The following C3orf62 variants were observed in gnomAD, a reference collection of about 807,000 sequenced individuals.
C3orf62 encodes the protein chromosome 3 open reading frame 62.
A neutral mutation model predicts 21.7 loss-of-function variants in C3orf62; 16 were observed. That is an observed-to-expected ratio of 0.74 (90% CI 0.50 to 1.12). The LOEUF is 1.12. Among genes scored for constraint, C3orf62 ranks in the 50% most tolerant of loss-of-function variants. The pLI is 0.00. For missense variants in C3orf62, 310 were observed against 318.8 expected (o/e 0.97, Z 0.21); for synonymous variants, 114 against 117.0 (o/e 0.97, Z 0.17).
At chr3:49,276,291 C>T (rs1163630679) in intron 1 of C3orf62, 136 bp downstream of exon 1, 1 of 771,822 alleles carries the variant, frequency 1.3e-6, no homozygotes, top group Admixed American at 2.8e-5. Context: ...TGTCTGTCAA[C>T]TCCCCAAATG....
At chr3:49,275,118 A>ATT (rs34827861) in intron 1 of C3orf62, among the ~76,000 whole-genome samples, 1 of 141,910 alleles carries the variant, frequency 7.0e-6, no homozygotes, top group East Asian at 2.1e-4. Context: ...TGTGCCCAGC[A>ATT]TTTTTTTTTT....
At position 49,270,054 on chromosome 3, in the gene C3orf62, G is replaced by A. The variant is rs1447160366; in HGVS notation, c.*1126C>T. 2 of 152,268 alleles carry A rather than the reference G, an allele frequency of 1.3e-5. No homozygotes were observed. The highest frequency in any genetic ancestry group is 4.1e-4 in the South Asian group (2 of 4,826). The allele number at this position is 152,268 out of a possible 1,614,324, so 9.4% of individuals were successfully genotyped here. ...CCAAAGGTAGTGAGTTATCTCAATC[G>A]ACTACTCACAGTTTCAGATCTAACT... On this transcript the variant is annotated 3_prime_UTR_variant, in exon 3 of 3. Transcript: ENST00000343010.
Position 49,270,832 on chromosome 3 carries a change from CT to C in C3orf62, c.*347del. 4.9e-6 allele frequency: 1 copy of C among 202,736 alleles called. No individual in the cohort carries two copies. Among genetic ancestry groups the C allele is most frequent in the Non-Finnish European group, 1.0e-5 (1 of 100,484 alleles). 12.6% of individuals were successfully genotyped at this position (202,736 alleles called of 1,614,324 possible). On this transcript the variant is annotated 3_prime_UTR_variant, in exon 3 of 3. Coordinates refer to ENST00000343010, the MANE Select transcript of C3orf62 (RefSeq NM_198562.3). ...GCCACTGTGCCTGGCCACTCCTGTA[CT>C]TTTTTAGGGGCCCGTGGAAAAGAAC... is the stretch of plus-strand genomic sequence containing the variant.
intron 2 of C3orf62, among the ~76,000 whole-genome samples, chr3:49,273,428 C>G (rs2046928175): frequency 6.6e-6 from 1 of 151,966 alleles, no homozygotes; most frequent in South Asian, 2.1e-4. Context: ...TGTCTCTCCC[C>G]CCAAAAAGTG....
At chr3:49,272,456 C>T (rs1164167267) in intron 2 of C3orf62, among the ~76,000 whole-genome samples, 2 of 147,180 alleles carry the variant, frequency 1.4e-5, no homozygotes, top group Non-Finnish European at 3.0e-5. Context: ...GTATGCTATA[C>T]TATATCTATA....
intron 2 of C3orf62, among the ~76,000 whole-genome samples, chr3:49,271,936 A>C (rs533321205): frequency 3.4e-4 from 51 of 150,878 alleles, no homozygotes; most frequent in Middle Eastern, 7.0e-3. Context: ...AAAAAAAAAA[A>C]ACAAAAAAAC....
chr3:49,274,008 T>C (rs748016775), intron 2 of C3orf62, 41 bp downstream of exon 2: 15 of 1,420,208 alleles, frequency 1.1e-5, no homozygotes, highest in Non-Finnish European at 1.4e-5. Context: ...GTGAAGGACC[T>C]ATCTTCCCAA....
At chr3:49,274,211 A>G (rs1441871362) in intron 1 of C3orf62, 71 bp from the exon 2 acceptor site, 1 of 1,211,510 alleles carries the variant, frequency 8.3e-7, no homozygotes, top group Admixed American at 1.8e-5. Flanking sequence ...ATTGAAGGGA[A>G]ACTCAGTTTT....
rs1247334124 is a variant in C3orf62, at chr3:49,269,872, G to C, written c.*1308C>G. On this transcript the variant is annotated 3_prime_UTR_variant, in exon 3 of 3. Coordinates refer to ENST00000343010, the MANE Select transcript of C3orf62 (RefSeq NM_198562.3). ...TGAGCCCAGAGGAATCACTAGACCTGTGGTAAGGGATGTTGCTGGCTATGC... is the reference window on the plus strand; with the variant it reads ...TGAGCCCAGAGGAATCACTAGACCTCTGGTAAGGGATGTTGCTGGCTATGC... 2 of 152,270 alleles carry C rather than the reference G, an allele frequency of 1.3e-5. No homozygotes were observed. The highest frequency in any genetic ancestry group is 4.8e-5 in the African/African-American group (2 of 41,474). 9.4% of individuals were successfully genotyped at this position (152,270 alleles called of 1,614,324 possible).
intron 2 of C3orf62, among the ~76,000 whole-genome samples, chr3:49,273,432 A>G (rs1003017178): frequency 8.6e-5 from 13 of 151,910 alleles, no homozygotes; most frequent in Non-Finnish European, 1.6e-4. Flanking sequence ...TCTCCCCCCA[A>G]AAAGTGGTGG....
chr3:49,276,939 A>T lies in C3orf62; in HGVS notation c.-67T>A. 6.5e-7 allele frequency: 1 copy of T among 1,545,868 alleles called. No individual in the cohort carries two copies. Among genetic ancestry groups the T allele is most frequent in the Non-Finnish European group, 8.7e-7 (1 of 1,148,006 alleles). Reference sequence around the variant, plus strand: ...TGCAAACTACCCCTGAATGGCCACGATTTCCTGGAGCTTGGCCCTGGCTAT... The same window carrying T: ...TGCAAACTACCCCTGAATGGCCACGTTTTCCTGGAGCTTGGCCCTGGCTAT... On this transcript the variant is annotated 5_prime_UTR_variant, in exon 1 of 3. Coordinates refer to ENST00000343010, the MANE Select transcript of C3orf62 (RefSeq NM_198562.3).
At chr3:49,274,267 G>C in intron 1 of C3orf62, 127 bp from the exon 2 acceptor site, 1 of 685,264 alleles carries the variant, frequency 1.5e-6, no homozygotes, top group Non-Finnish European at 2.5e-6. Context: ...TGTCATTTAT[G>C]CTTTGATTAA....
rs919800739 is a variant in C3orf62, at chr3:49,277,085, GCCCGCCCCGCCGCTGCCT to G, written c.-231_-214del. On this transcript the variant is annotated 5_prime_UTR_variant, in exon 1 of 3. Coordinates refer to ENST00000343010, the MANE Select transcript of C3orf62 (RefSeq NM_198562.3). ...CCGCCCCACTTCCCACAGCTTCCTG[GCCCGCCCCGCCGCTGCCT>G]CCCGCCCCACCGCGGCTCCCAGGCC... 2.6e-5 allele frequency: 38 copies of G among 1,487,126 alleles called. No homozygotes were observed. Among genetic ancestry groups the G allele is most frequent in the Middle Eastern group, 4.0e-4 (2 of 5,054 alleles). 92.1% of individuals were successfully genotyped at this position (1,487,126 alleles called of 1,614,324 possible).
At chr3:49,271,892 C>T (rs1277575172) in intron 2 of C3orf62, among the ~76,000 whole-genome samples, 2 of 120,746 alleles carry the variant, frequency 1.7e-5, no homozygotes, top group African/African-American at 6.5e-5. Flanking sequence ...GCCTGGGCAA[C>T]AGAGTGAGGC....
intron 1 of C3orf62, among the ~76,000 whole-genome samples, chr3:49,274,889 G>A (rs892378438): frequency 3.3e-5 from 5 of 151,660 alleles, no homozygotes; most frequent in East Asian, 3.9e-4. Context: ...GCGCAATTTC[G>A]GCTCATCGCA....
intron 1 of C3orf62, 46 bp downstream of exon 1, chr3:49,276,381 A>G (rs1575596167): frequency 6.4e-7 from 1 of 1,552,510 alleles, no homozygotes; most frequent in Non-Finnish European, 8.7e-7. Flanking sequence ...TTCAGAAACA[A>G]GAATCCCCTT....
chr3:49,275,230 C>T (rs888493890), intron 1 of C3orf62, among the ~76,000 whole-genome samples: 3 of 151,918 alleles, frequency 2.0e-5, no homozygotes, highest in Admixed American at 6.6e-5. Flanking sequence ...TCTCCTGCCT[C>T]GGCCTCCCAA....
Position 49,277,035 on chromosome 3 carries a change from A to G in C3orf62, c.-163T>C. Reference sequence around the variant, plus strand: ...CTCGGCTCTCGCGGAGGAACCCGCCATCTGCCAGAAGCCCCAAAGACGCCC... The same window carrying G: ...CTCGGCTCTCGCGGAGGAACCCGCCGTCTGCCAGAAGCCCCAAAGACGCCC... On this transcript the variant is annotated 5_prime_UTR_variant, in exon 1 of 3. An upstream start codon of the reference 5' UTR is lost. Transcript: ENST00000343010. 1 of 1,463,330 alleles carries G rather than the reference A, an allele frequency of 6.8e-7. No homozygotes were observed. The highest frequency in any genetic ancestry group is 1.4e-5 in the South Asian group (1 of 72,948). 90.6% of individuals were successfully genotyped at this position (1,463,330 alleles called of 1,614,324 possible).
intron 1 of C3orf62, among the ~76,000 whole-genome samples, chr3:49,274,747 A>G: frequency 6.6e-6 from 1 of 151,704 alleles, no homozygotes. Flanking sequence ...GCTGGTCTCG[A>G]ACTCCTGACC....
Sources: gnomAD v4.1 joint callset for allele counts (sites outside exome capture counted in the v4.1 genomes callset) on GRCh38, gnomAD v4.1.1 for gene constraint, MANE v1.5 for transcripts, NCBI Gene and HGNC (gene_info 2026-07-23, HGNC 2026-07-21) for gene names.